The following NRXN1 variants were observed in gnomAD, a reference collection of about 807,000 sequenced individuals.
NRXN1 encodes the protein neurexin 1.
NRXN1 carries 39 observed loss-of-function variants against 150.9 expected under a neutral mutation model. The ratio of observed to expected loss-of-function variants is 0.26; its 90% CI spans 0.20 to 0.34. The LOEUF (loss-of-function observed/expected upper bound fraction) is 0.34, where lower values mean the gene tolerates loss of function less well. Ranked by LOEUF, NRXN1 falls within the 10% of genes least tolerant of loss-of-function variation. NRXN1 has a pLI of 1.00. For synonymous variants in NRXN1, 924 were observed against 757.0 expected (o/e 1.22, Z -3.62); for missense variants, 1,815 against 1,949.9 (o/e 0.93, Z 1.30).
At chr2:50,291,843 C>T (rs983314314) in intron 17 of NRXN1, among the ~76,000 whole-genome samples, 5 of 152,140 alleles carry the variant, frequency 3.3e-5, no homozygotes, top group African/African-American at 9.7e-5. Context: ...TTGGTATTTA[C>T]GAGGACTGCA....
intron 19 of NRXN1, among the ~76,000 whole-genome samples, chr2:50,056,224 G>T (rs1471427860): frequency 6.6e-6 from 1 of 151,980 alleles, no homozygotes; most frequent in African/African-American, 2.4e-5. Flanking sequence ...TAAATGAATA[G>T]ATTTACATTT....
intron 5 of NRXN1, among the ~76,000 whole-genome samples, chr2:50,822,429 T>G (rs192959166): frequency 6.6e-6 from 1 of 152,244 alleles, no homozygotes; most frequent in Admixed American, 6.5e-5. Context: ...ATAAGGAAAG[T>G]CTTAAAAATA....
At chr2:50,972,379 G>A (rs958359075) in intron 2 of NRXN1, among the ~76,000 whole-genome samples, 1 of 152,072 alleles carries the variant, frequency 6.6e-6, no homozygotes, top group Non-Finnish European at 1.5e-5. Context: ...ATGCCACTTT[G>A]TGGGAAGTGG....
chr2:50,556,039 G>A (rs923342152), intron 8 of NRXN1, among the ~76,000 whole-genome samples: 1 of 152,164 alleles, frequency 6.6e-6, no homozygotes. Context: ...ACTATCTTGA[G>A]AAGAAGCACA....
chr2:50,817,409 G>A (rs1192384793), intron 5 of NRXN1, among the ~76,000 whole-genome samples: 1 of 150,950 alleles, frequency 6.6e-6, no homozygotes, highest in Non-Finnish European at 1.5e-5. Context: ...TTGCACTGGA[G>A]AATTACACAA....
intron 12 of NRXN1, among the ~76,000 whole-genome samples, chr2:50,510,435 G>A (rs1467530111): frequency 3.3e-5 from 4 of 119,760 alleles, no homozygotes; most frequent in Admixed American, 1.2e-4. Flanking sequence ...GCAGTGAGCC[G>A]AGATCTCGCC....
At chr2:50,590,955 T>C (rs1674081168) in intron 8 of NRXN1, among the ~76,000 whole-genome samples, 1 of 152,210 alleles carries the variant, frequency 6.6e-6, no homozygotes, top group South Asian at 2.1e-4. Flanking sequence ...CCTGCCCTGA[T>C]TGAAAATGTT....
At chr2:50,756,561 C>T (rs1382083079) in intron 5 of NRXN1, among the ~76,000 whole-genome samples, 7 of 151,858 alleles carry the variant, frequency 4.6e-5, no homozygotes, top group Admixed American at 1.3e-4. Context: ...CAAAAAGCAG[C>T]GACTGCATTT....
chr2:50,887,590 C>G (rs1048764650), intron 5 of NRXN1, among the ~76,000 whole-genome samples: 39 of 151,308 alleles, frequency 2.6e-4, no homozygotes, highest in African/African-American at 9.2e-4. Flanking sequence ...TCTAGTCTTT[C>G]GTTTACTCTT....
At chr2:50,593,759 G>C (rs548275249) in intron 8 of NRXN1, among the ~76,000 whole-genome samples, 1 of 152,182 alleles carries the variant, frequency 6.6e-6, no homozygotes, top group South Asian at 2.1e-4. Context: ...GTTTTAAATG[G>C]CACATGATAG....
Position 50,538,440 on chromosome 2 carries a change from T to G in NRXN1, c.1956A>C (p.Gln652His), listed in dbSNP as rs1428322622. ...CAGCCATTTGCCGGATATCTTTGCT[T>G]TGGCCATCGATGAACAAATCCCTGA... is the stretch of plus-strand genomic sequence containing the variant. ...GCIRDLFIDGQSKDIRQMAEV... is the reference protein window; with the variant it reads ...GCIRDLFIDGHSKDIRQMAEV... Residue 652 changes from glutamine to histidine, a missense_variant, in exon 10 of 23, where the codon CAA (glutamine) becomes CAC (histidine). By Grantham distance (24) the Gln-to-His change is conservative. Coordinates refer to ENST00000401669, the MANE Select transcript of NRXN1 (RefSeq NM_001330078.2). 6.2e-7 allele frequency: 1 copy of G among 1,613,984 alleles called. No homozygotes were observed. Among genetic ancestry groups the G allele is most frequent in the East Asian group, 2.2e-5 (1 of 44,870 alleles).
chr2:50,368,519 T>A lies in NRXN1; in HGVS notation c.3364+96923A>T, dbSNP rs189554469. Reference sequence around the variant, plus strand: ...AGTATCCAGATCATGAGAGTAATAATCATTTTTCTGAACTTTGCATAAGAC... The same window carrying A: ...AGTATCCAGATCATGAGAGTAATAAACATTTTTCTGAACTTTGCATAAGAC... On this transcript the variant is annotated intron_variant, in intron 17 of 22. Transcript: ENST00000401669. Among the ~76,000 whole-genome samples, 3 of 152,094 alleles carry A rather than the reference T, an allele frequency of 2.0e-5. No homozygotes were observed. The East Asian group carries it at 5.8e-4, about 29-fold the overall frequency.
chr2:50,218,474 T>C (rs1013652867), intron 18 of NRXN1, among the ~76,000 whole-genome samples: 3 of 149,586 alleles, frequency 2.0e-5, no homozygotes, highest in Admixed American at 1.4e-4. Flanking sequence ...TGTGTTCTCC[T>C]TAAAGTTAGC....
At position 50,552,899 on chromosome 2, in the gene NRXN1, T is replaced by A; in HGVS notation, c.1447A>T (p.Thr483Ser). Residue 483 changes from threonine to serine, a missense_variant, in exon 9 of 23, where the codon ACC (threonine) becomes TCC (serine). Thr to Ser is a moderately conservative substitution (Grantham distance 58). This residue lies in a region of NRXN1 where 638 missense variants were observed against 652.6 expected (regional missense o/e 0.98). Transcript: ENST00000401669. ...ATGAAAGACTCTGGGGTTTCAAAGG[T>A]GATTGGGTCTAAAGTTGCAACATTC... ...CENVATLDPI[T>S]FETPESFISL... The A allele has an allele frequency of 6.2e-7, 1 of 1,613,966 alleles. No individual in the cohort carries two copies. Among genetic ancestry groups the A allele is most frequent in the Non-Finnish European group, 8.5e-7 (1 of 1,179,864 alleles).
intron 5 of NRXN1, among the ~76,000 whole-genome samples, chr2:50,819,301 G>A (rs1304994335): frequency 2.6e-5 from 4 of 152,054 alleles, no homozygotes. Context: ...ACAGATAAAT[G>A]GAAAAAGAAA....
Position 49,942,612 on chromosome 2 carries a change from ATT to A in NRXN1, c.4216+1090_4216+1091del, listed in dbSNP as rs1491345406. On this transcript the variant is annotated intron_variant, in intron 22 of 22. Coordinates refer to ENST00000401669, the MANE Select transcript of NRXN1 (RefSeq NM_001330078.2). ...CAATATTATTATTATTATTATTATT[ATT>A]TTATTATTATTTTGAGACAAAATCC... is the stretch of plus-strand genomic sequence containing the variant. 1.6e-3 allele frequency among the ~76,000 whole-genome samples: 232 copies of A among 149,166 alleles called. 2 individuals carry two copies. The Middle Eastern group carries it at 0.035, about 22-fold the overall frequency.
chr2:50,377,756 G>T (rs762986371), intron 17 of NRXN1, among the ~76,000 whole-genome samples: 24 of 152,030 alleles, frequency 1.6e-4, no homozygotes, highest in Non-Finnish European at 3.1e-4. Context: ...GTCAATAAAT[G>T]GTGAAGAAAA....
chr2:50,880,933 G>C (rs548714945), intron 5 of NRXN1, among the ~76,000 whole-genome samples: 4 of 152,006 alleles, frequency 2.6e-5, no homozygotes, highest in Admixed American at 1.3e-4. Context: ...ATTATGACTA[G>C]AGAAGACATG....
chr2:50,879,962 T>C (rs1268498367), intron 5 of NRXN1, among the ~76,000 whole-genome samples: 1 of 151,844 alleles, frequency 6.6e-6, no homozygotes, highest in African/African-American at 2.4e-5. Flanking sequence ...AAGAAATAAG[T>C]ATACATTTTT....
Sources: gnomAD v4.1 joint callset for allele counts (sites outside exome capture counted in the v4.1 genomes callset) on GRCh38, gnomAD v4.1.1 for gene constraint, gnomAD v4.1.1 regional missense constraint, MANE v1.5 for transcripts, NCBI Gene and HGNC (gene_info 2026-07-23, HGNC 2026-07-21) for gene names.